Variants in ANO2 observed in about 807,000 individuals in gnomAD.
ANO2 encodes the protein anoctamin-2.
In ANO2, 101 loss-of-function variants were observed where a neutral mutation model predicts 124.2. The observed-to-expected ratio is 0.81, with a 90% CI of 0.69 to 0.96. The LOEUF (loss-of-function observed/expected upper bound fraction) is 0.96. Among genes scored for constraint, ANO2 ranks in the 40% least tolerant of loss-of-function variants. ANO2 has a pLI of 0.00. For synonymous variants in ANO2, 486 were observed against 482.5 expected (o/e 1.01, Z -0.09); for missense variants, 1,293 against 1,274.5 (o/e 1.01, Z -0.22).
chr12:5,814,093 G>C (rs967436866), intron 7 of ANO2, among the ~76,000 whole-genome samples: 1 of 152,142 alleles, frequency 6.6e-6, no homozygotes, highest in Non-Finnish European at 1.5e-5. Flanking sequence ...GCAGTATTGA[G>C]ACCCCTGGCC....
chr12:5,688,323 T>C (rs4930783), intron 14 of ANO2, among the ~76,000 whole-genome samples: 96,018 of 152,012 alleles, frequency 0.63, 31,333 homozygotes, highest in Middle Eastern at 0.75. Flanking sequence ...CAAAGGCTGG[T>C]TGAGTGCTAC....
At chr12:5,608,589 T>G (rs77942554) in intron 19 of ANO2, 1 of 152,158 alleles carries the variant, frequency 6.6e-6, no homozygotes, top group Non-Finnish European at 1.5e-5. Context: ...ACCATATTCA[T>G]CAAGAGATGA....
At chr12:5,660,691 T>C (rs251785) in intron 14 of ANO2, among the ~76,000 whole-genome samples, 62,267 of 151,806 alleles carry the variant, frequency 0.41, 14,320 homozygotes, top group African/African-American at 0.6. Flanking sequence ...GCAAGGAACT[T>C]CAAATCTCAT....
intron 3 of ANO2, among the ~76,000 whole-genome samples, chr12:5,911,616 G>A (rs1037052187): frequency 4.6e-5 from 7 of 152,162 alleles, no homozygotes; most frequent in East Asian, 3.9e-4. Context: ...CACCAGCCAC[G>A]AACACCAAGT....
At chr12:5,751,570 G>A (rs73253265) in intron 10 of ANO2, among the ~76,000 whole-genome samples, 4,139 of 152,228 alleles carry the variant, frequency 0.027, 180 homozygotes, top group African/African-American at 0.09. Context: ...CATACAAAGA[G>A]CTGTACGTGT....
In ANO2 at chr12:5,635,311, C is replaced by T. The variant is rs374184483; in HGVS notation, c.1657G>A (p.Val553Met). ...GCGGCTGCAGTTGTTATTCGATACA[C>T]TATCACCCCAAAGACGATTGAGAAT... ...LTFSIVFGVIVYRITTAAALS... is the reference protein window; with the variant it reads ...LTFSIVFGVIMYRITTAAALS... Residue 553 changes from valine (V) to methionine (M), a missense_variant, in exon 16 of 25, where the codon GTG (valine) becomes ATG (methionine). Val to Met is a conservative substitution (Grantham distance 21, BLOSUM62 1). Transcript: ENST00000682330. This position sits in a 1 kb window ranked among gnomAD's most constrained non-coding sequence, Gnocchi z 5.2. The T allele has an allele frequency of 2.9e-5, 47 of 1,602,454 alleles. No individual in the cohort carries two copies. Among genetic ancestry groups the T allele is most frequent in the Middle Eastern group, 1.7e-4 (1 of 6,022 alleles).
At chr12:5,678,285 A>C (rs2136997090) in intron 14 of ANO2, among the ~76,000 whole-genome samples, 1 of 152,290 alleles carries the variant, frequency 6.6e-6, no homozygotes, top group Non-Finnish European at 1.5e-5. Flanking sequence ...TCTACCCTCC[A>C]CCAGATGTGA....
intron 14 of ANO2, among the ~76,000 whole-genome samples, chr12:5,714,396 G>T (rs1180905234): frequency 6.6e-6 from 1 of 152,152 alleles, no homozygotes; most frequent in Non-Finnish European, 1.5e-5. Flanking sequence ...GCCGTGGCAG[G>T]TTATACACCA....
At chr12:5,596,435 A>T (rs1724663051) in intron 20 of ANO2, among the ~76,000 whole-genome samples, 1 of 152,178 alleles carries the variant, frequency 6.6e-6, no homozygotes, top group African/African-American at 2.4e-5. Context: ...AAAATGGTTT[A>T]AAAAAATTAA....
At chr12:5,873,494 G>A (rs1937873333) in intron 3 of ANO2, among the ~76,000 whole-genome samples, 3 of 152,286 alleles carry the variant, frequency 2.0e-5, no homozygotes, top group East Asian at 1.9e-4. Context: ...TCCCTGCCTC[G>A]CTGGAGGAAT....
chr12:5,844,546 C>T (rs1309452562), intron 4 of ANO2, among the ~76,000 whole-genome samples: 1 of 152,162 alleles, frequency 6.6e-6, no homozygotes, highest in Non-Finnish European at 1.5e-5. Context: ...TTGTCATTTG[C>T]TTTACATGTA....
rs114162666 is a variant in ANO2 at position 5,903,994 on chromosome 12, A to G, written c.534+17046T>C. On this transcript the variant is annotated intron_variant, in intron 3 of 24. Coordinates refer to ENST00000682330, the MANE Select transcript of ANO2 (RefSeq NM_001364791.2). ...ACATGGAGGAAACCCACACATGTACATGGGTCATCCTGCATGACCCTGGGC... is the reference window on the plus strand; with the variant it reads ...ACATGGAGGAAACCCACACATGTACGTGGGTCATCCTGCATGACCCTGGGC... 7.6e-3 allele frequency among the ~76,000 whole-genome samples: 1,154 copies of G among 152,232 alleles called. 18 individuals are homozygous for G. Among genetic ancestry groups the G allele is most frequent in the African/African-American group, 0.026 (1,088 of 41,518 alleles).
chr12:5,803,163 C>T (rs936206317), intron 9 of ANO2, among the ~76,000 whole-genome samples: 7 of 152,134 alleles, frequency 4.6e-5, no homozygotes, highest in Non-Finnish European at 8.8e-5. Flanking sequence ...ATTCAAGGGA[C>T]GGGGCATCCT....
intron 23 of ANO2, among the ~76,000 whole-genome samples, chr12:5,566,738 G>A (rs1329609657): frequency 6.6e-6 from 1 of 152,216 alleles, no homozygotes; most frequent in Non-Finnish European, 1.5e-5. Flanking sequence ...CATAACACAG[G>A]AGGAAACTGA....
chr12:5,751,332 A>C (rs1951433295), intron 10 of ANO2, among the ~76,000 whole-genome samples: 1 of 152,212 alleles, frequency 6.6e-6, no homozygotes, highest in Non-Finnish European at 1.5e-5. Context: ...GTGCCATAGC[A>C]CTCAACCCAT....
intron 15 of ANO2, among the ~76,000 whole-genome samples, chr12:5,639,921 A>G (rs1229571684): frequency 6.6e-6 from 1 of 152,304 alleles, no homozygotes; most frequent in African/African-American, 2.4e-5. Flanking sequence ...TGGACTCCCA[A>G]TATCCAAGTG....
At chr12:5,745,228 T>G (rs1033852862) in intron 11 of ANO2, among the ~76,000 whole-genome samples, 1 of 152,170 alleles carries the variant, frequency 6.6e-6, no homozygotes, top group African/African-American at 2.4e-5. Flanking sequence ...CTCTATACCA[T>G]ACACTGATAG....
At chr12:5,849,190 G>A (rs772545872) in intron 4 of ANO2, among the ~76,000 whole-genome samples, 7 of 152,140 alleles carry the variant, frequency 4.6e-5, no homozygotes, top group Non-Finnish European at 8.8e-5. Context: ...CTGACGATTG[G>A]ACAAAAGGGA....
At chr12:5,681,872 G>A (rs544039960) in intron 14 of ANO2, among the ~76,000 whole-genome samples, 1 of 152,162 alleles carries the variant, frequency 6.6e-6, no homozygotes, top group Non-Finnish European at 1.5e-5. Flanking sequence ...TCCCAAGAAA[G>A]CAGACGGTCT....
Sources: gnomAD v4.1 joint callset for allele counts (sites outside exome capture counted in the v4.1 genomes callset) on GRCh38, gnomAD v4.1.1 for gene constraint, Gnocchi (gnomAD v3.1) non-coding constraint, MANE v1.5 for transcripts, NCBI Gene and HGNC (gene_info 2026-07-23, HGNC 2026-07-21) for gene names.